CEP83: variants seen among roughly 807,000 people sequenced by gnomAD.
CEP83 encodes centrosomal protein of 83 kDa.
In CEP83, 70 loss-of-function variants were observed where a neutral mutation model predicts 101.9. The ratio of observed to expected loss-of-function variants is 0.69; its 90% CI spans 0.57 to 0.84. The LOEUF (loss-of-function observed/expected upper bound fraction) is 0.84, where lower values mean the gene tolerates loss of function less well. CEP83 is among the 40% of genes least tolerant of loss of function. CEP83 has a pLI of 0.00. For missense variants in CEP83, 715 were observed against 787.2 expected (o/e 0.91, Z 1.10); for synonymous variants, 264 against 267.9 (o/e 0.99, Z 0.14).
intron 4 of CEP83, among the ~76,000 whole-genome samples, chr12:94,406,931 C>CA (rs572356113): frequency 0.047 from 4,693 of 100,152 alleles, 224 homozygotes; most frequent in African/African-American, 0.14. Context: ...TGTCTCAAAA[C>CA]AAAAAAAAAA....
intron 1 of CEP83, among the ~76,000 whole-genome samples, chr12:94,454,807 T>G (rs2067534504): frequency 6.7e-6 from 1 of 150,138 alleles, no homozygotes; most frequent in Non-Finnish European, 1.5e-5. Flanking sequence ...CGCGCCACCT[T>G]TAAGAGCTGT....
chr12:94,317,260 G>C (rs1796545046), intron 14 of CEP83, among the ~76,000 whole-genome samples: 1 of 151,862 alleles, frequency 6.6e-6, no homozygotes. Context: ...ACTTTTGATG[G>C]GGTTGTTTTT....
chr12:94,451,278 G>A (rs1325203044), intron 1 of CEP83, among the ~76,000 whole-genome samples: 1 of 152,026 alleles, frequency 6.6e-6, no homozygotes, highest in Non-Finnish European at 1.5e-5. Context: ...TACATAACAT[G>A]AAAGTACGTG....
At chr12:94,424,172 T>C (rs2138049317) in intron 2 of CEP83, 2 of 1,604,426 alleles carry the variant, frequency 1.2e-6, no homozygotes, top group Non-Finnish European at 1.7e-6. Context: ...GGTGATGTTA[T>C]AAGGGGCTGG....
intron 1 of CEP83, among the ~76,000 whole-genome samples, chr12:94,458,783 T>G (rs1460942478): frequency 1.3e-5 from 2 of 152,174 alleles, no homozygotes; most frequent in Non-Finnish European, 1.5e-5. Flanking sequence ...AAACTGAGTT[T>G]GAAATCAAAC....
intron 15 of CEP83, chr12:94,312,487 C>T (rs1970015401): frequency 1.6e-6 from 1 of 616,558 alleles, no homozygotes; most frequent in South Asian, 7.2e-5. Context: ...GCTGATGATC[C>T]TGATTATCAG....
At chr12:94,278,660 G>C in the CEP83 span, among the ~76,000 whole-genome samples, 2 of 152,160 alleles carry the variant, frequency 1.3e-5, no homozygotes, top group Middle Eastern at 3.2e-3. Flanking sequence ...TGAAAGCGGA[G>C]GGGTAGATGA....
At chr12:94,270,482 A>G in the CEP83 span, among the ~76,000 whole-genome samples, 1 of 152,124 alleles carries the variant, frequency 6.6e-6, no homozygotes, top group African/African-American at 2.4e-5. Flanking sequence ...CAAACCCACA[A>G]ACAGGTTGGC....
chr12:94,422,886 A>G (rs561376049), intron 2 of CEP83, among the ~76,000 whole-genome samples: 43 of 152,328 alleles, frequency 2.8e-4, no homozygotes, highest in African/African-American at 9.9e-4. Flanking sequence ...TCTGGTTACA[A>G]TGAATATAGC....
chr12:94,377,349 A>C (rs527767296), intron 7 of CEP83, among the ~76,000 whole-genome samples: 1 of 152,292 alleles, frequency 6.6e-6, no homozygotes, highest in Admixed American at 6.5e-5. Flanking sequence ...CAGCATTAAG[A>C]GTATCACACC....
At chr12:94,306,367 G>GAAAGT (rs1164619578), downstream of CEP83, 7 of 152,088 alleles carry the variant, frequency 4.6e-5, no homozygotes, top group Non-Finnish European at 1.0e-4. Flanking sequence ...TGTACTTTTT[G>GAAAGT]AAAGTATTCC....
the CEP83 span, among the ~76,000 whole-genome samples, chr12:94,290,013 A>G: frequency 6.6e-6 from 1 of 152,108 alleles, no homozygotes; most frequent in African/African-American, 2.4e-5. Context: ...GAGACATTTG[A>G]ACTTTTGGCA....
chr12:94,394,058 T>C (rs893575575), intron 6 of CEP83, among the ~76,000 whole-genome samples: 1 of 152,168 alleles, frequency 6.6e-6, no homozygotes, highest in Admixed American at 6.5e-5. Context: ...CCCAAGGTAA[T>C]TTAGATTCAA....
intron 2 of CEP83, 61 bp downstream of exon 2, chr12:94,435,214 T>C (rs1257941540): frequency 1.3e-5 from 2 of 152,166 alleles, no homozygotes; most frequent in Non-Finnish European, 2.9e-5. Context: ...TAAGACAGAC[T>C]ACCCAAAATA....
At chr12:94,375,776 T>C (rs2061501728) in intron 8 of CEP83, 110 bp downstream of exon 8, 2 of 541,976 alleles carry the variant, frequency 3.7e-6, no homozygotes, top group Non-Finnish European at 5.9e-6. Context: ...GAAGGCAGAA[T>C]GATATAATAA....
intron 1 of CEP83, among the ~76,000 whole-genome samples, chr12:94,443,494 T>C (rs73372208): frequency 0.021 from 3,166 of 152,126 alleles, 104 homozygotes; most frequent in African/African-American, 0.068. Flanking sequence ...TTATTCTATA[T>C]AAACATATAT....
At chr12:94,450,122 C>T (rs1242904006) in intron 1 of CEP83, among the ~76,000 whole-genome samples, 1 of 152,194 alleles carries the variant, frequency 6.6e-6, no homozygotes, top group African/African-American at 2.4e-5. Flanking sequence ...TTCAACACTT[C>T]TCTTCAACAT....
chr12:94,400,110 T>C (rs890955044), intron 6 of CEP83, among the ~76,000 whole-genome samples: 1 of 152,262 alleles, frequency 6.6e-6, no homozygotes, highest in African/African-American at 2.4e-5. Context: ...ATTTAAAATG[T>C]AGATATGTTT....
chr12:94,343,088 T>C (rs1055378360), intron 11 of CEP83, among the ~76,000 whole-genome samples: 2 of 151,546 alleles, frequency 1.3e-5, no homozygotes, highest in African/African-American at 4.9e-5. Flanking sequence ...TGTATGTATG[T>C]CTGTGTGTGT....
Sources: gnomAD v4.1 joint callset for allele counts (sites outside exome capture counted in the v4.1 genomes callset) on GRCh38, gnomAD v4.1.1 for gene constraint, MANE v1.5 for transcripts, NCBI Gene and HGNC (gene_info 2026-07-23, HGNC 2026-07-21) for gene names.